IRAK3: variants seen among roughly 807,000 people sequenced by gnomAD.
The protein encoded by IRAK3 is interleukin-1 receptor-associated kinase 3.
A neutral mutation model predicts 56.6 loss-of-function variants in IRAK3; 57 were observed. The ratio of observed to expected loss-of-function variants is 1.01; its 90% CI spans 0.81 to 1.26. IRAK3 has a LOEUF of 1.26. Ranked by LOEUF, IRAK3 falls within the 50% of genes most tolerant of loss-of-function variation. The pLI is 0.00. For synonymous variants in IRAK3, 258 were observed against 255.7 expected, an observed-to-expected ratio of 1.01 and a Z score of -0.09; for missense variants, 703 against 719.0, an observed-to-expected ratio of 0.98 and a Z score of 0.25.
At chr12:66,213,468 G>T (rs2052633565) in intron 5 of IRAK3, among the ~76,000 whole-genome samples, 1 of 152,146 alleles carries the variant, frequency 6.6e-6, no homozygotes, top group Non-Finnish European at 1.5e-5. Context: ...CTGGGTGTTT[G>T]GTAAGGGTTA....
In IRAK3 at chr12:66,211,554, T is replaced by TGG; in HGVS notation, c.546_547dup (p.Glu183GlyfsTer6). On this transcript the variant is annotated frameshift_variant, in exon 5 of 12. Coordinates refer to ENST00000261233, the MANE Select transcript of IRAK3 (RefSeq NM_007199.3). LOFTEE classifies it high-confidence loss of function. Reference sequence around the variant, plus strand: ...GGAGAGATTTTTGAGGTATACAGAGTGGAGATTCAAAACCTAACATATGCT... The same window carrying TGG: ...GGAGAGATTTTTGAGGTATACAGAGTGGGGAGATTCAAAACCTAACATATGCT... 2 of 1,612,040 alleles carry TGG rather than the reference T, an allele frequency of 1.2e-6. No homozygotes were observed. Among genetic ancestry groups the TGG allele is most frequent in the Non-Finnish European group, 1.7e-6 (2 of 1,178,304 alleles).
Position 66,252,623 on chromosome 12 carries a change from G to A in IRAK3, c.*4452G>A, listed in dbSNP as rs2053111518. 1 of 152,208 alleles carries A rather than the reference G, an allele frequency of 6.6e-6. No individual in the cohort carries two copies. Among genetic ancestry groups the A allele is most frequent in the Non-Finnish European group, 1.5e-5 (1 of 68,046 alleles). 9.4% of individuals were successfully genotyped at this position (152,208 alleles called of 1,614,324 possible). A position where few individuals can be genotyped will look rare whatever the true frequency, so the allele number is the denominator to read the frequency against. On this transcript the variant is annotated 3_prime_UTR_variant, in exon 12 of 12. Coordinates refer to ENST00000261233, the MANE Select transcript of IRAK3 (RefSeq NM_007199.3). ...CACTATTCTAGGAGCTGGGGCTACA[G>A]TGCAGATGGAAACCAGCAAAGCTCA...
intron 1 of IRAK3, chr12:66,197,834 G>A (rs2052469486): frequency 4.1e-6 from 4 of 985,204 alleles, no homozygotes; most frequent in Non-Finnish European, 4.8e-6. Context: ...TCTGATATTA[G>A]CAGTTTCTCA....
At chr12:66,212,110 CAA>C (rs11405352) in intron 5 of IRAK3, among the ~76,000 whole-genome samples, 6 of 136,626 alleles carry the variant, frequency 4.4e-5, no homozygotes, top group African/African-American at 2.8e-5. Flanking sequence ...GACACCACCT[CAA>C]AAAAAAAAAA....
intron 6 of IRAK3, among the ~76,000 whole-genome samples, chr12:66,223,532 G>A (rs1248981143): frequency 1.3e-5 from 2 of 150,840 alleles, no homozygotes; most frequent in African/African-American, 2.4e-5. Flanking sequence ...GGTGACGGGC[G>A]CCTGTAGTCC....
intron 8 of IRAK3, among the ~76,000 whole-genome samples, chr12:66,235,755 C>T (rs1218500325): frequency 1.3e-5 from 2 of 152,128 alleles, no homozygotes; most frequent in African/African-American, 2.4e-5. Context: ...ACTACAAATT[C>T]ATGCATTAAA....
rs997838262 is a variant in IRAK3 at position 66,228,199 on chromosome 12, A to G, written c.769-53A>G. ...GTGTATGTCTGCATAATGAATACAT[A>G]GGTAGTTTTTACTCAGAAAGTGCAA... On this transcript the variant is annotated intron_variant, in intron 7 of 11. Coordinates refer to ENST00000261233, the MANE Select transcript of IRAK3 (RefSeq NM_007199.3). 1.5e-5 allele frequency: 18 copies of G among 1,172,502 alleles called. No individual in the cohort carries two copies. In the African/African-American group the frequency reaches 2.7e-4, roughly 18 times the overall value. 72.6% of individuals were successfully genotyped at this position (1,172,502 alleles called of 1,614,324 possible).
intron 8 of IRAK3, among the ~76,000 whole-genome samples, chr12:66,232,691 T>C (rs1161038351): frequency 3.3e-5 from 5 of 152,212 alleles, no homozygotes; most frequent in Non-Finnish European, 7.3e-5. Context: ...AGCTCAGTGC[T>C]TTTAGGACTG....
intron 8 of IRAK3, among the ~76,000 whole-genome samples, chr12:66,241,117 A>T (rs1321970237): frequency 6.6e-6 from 1 of 152,074 alleles, no homozygotes; most frequent in Admixed American, 6.6e-5. Context: ...ACTAATAGAG[A>T]GATTAAGTAA....
At chr12:66,213,452 T>C (rs750274494) in intron 5 of IRAK3, among the ~76,000 whole-genome samples, 5 of 152,170 alleles carry the variant, frequency 3.3e-5, no homozygotes, top group African/African-American at 4.8e-5. Flanking sequence ...CAGTAAAATA[T>C]GGTGTCTGGG....
At chr12:66,194,600 G>A (rs147454528) in intron 1 of IRAK3, among the ~76,000 whole-genome samples, 157 of 152,278 alleles carry the variant, frequency 1.0e-3, no homozygotes, top group Non-Finnish European at 2.1e-3. Flanking sequence ...GGCTGAGGCG[G>A]GTGGATTGCT....
At chr12:66,203,966 T>C in intron 2 of IRAK3, 73 bp downstream of exon 2, 1 of 1,314,928 alleles carries the variant, frequency 7.6e-7, no homozygotes, top group Non-Finnish European at 1.1e-6. Context: ...GAATATTGCA[T>C]TTTATCCAAG....
chr12:66,235,724 A>T (rs1152908), intron 8 of IRAK3, among the ~76,000 whole-genome samples: 84,270 of 152,162 alleles, frequency 0.55, 25,227 homozygotes, highest in South Asian at 0.65. Flanking sequence ...AGCGTATAGT[A>T]TATAATTATA....
At chr12:66,191,281 T>G (rs1193916524) in intron 1 of IRAK3, among the ~76,000 whole-genome samples, 1 of 87,648 alleles carries the variant, frequency 1.1e-5, no homozygotes, top group East Asian at 3.9e-4. Context: ...GAGGAAGTGG[T>G]CAGTAATTAT....
At position 66,248,233 on chromosome 12, in the gene IRAK3, C is replaced by A; in HGVS notation, c.*62C>A. ...ATAGGCACCTGAGCATAGGTATGAC[C>A]TTGGGAAGACATTGGCTCCATAAGC... On this transcript the variant is annotated 3_prime_UTR_variant, in exon 12 of 12. Transcript: ENST00000261233. 1 of 1,197,980 alleles carries A rather than the reference C, an allele frequency of 8.3e-7. No homozygotes were observed. The highest frequency in any genetic ancestry group is 1.8e-5 in the Admixed American group (1 of 55,250). 74.2% of individuals were successfully genotyped at this position (1,197,980 alleles called of 1,614,324 possible). A position where few individuals can be genotyped will look rare whatever the true frequency, so the allele number is the denominator to read the frequency against.
chr12:66,244,728 G>T, intron 9 of IRAK3, 44 bp downstream of exon 9: 1 of 1,511,880 alleles, frequency 6.6e-7, no homozygotes, highest in Non-Finnish European at 9.2e-7. Context: ...TTATTGCCAA[G>T]AATGTTCTAG....
rs1044126384 is a variant in IRAK3, at chr12:66,250,693, G to T, written c.*2522G>T. Reference sequence around the variant, plus strand: ...TTAAGGAAGCTCTGATTAACACCAGGCCCATGCAGTTACTCCGCACATATA... The same window carrying T: ...TTAAGGAAGCTCTGATTAACACCAGTCCCATGCAGTTACTCCGCACATATA... On this transcript the variant is annotated 3_prime_UTR_variant, in exon 12 of 12. Transcript: ENST00000261233. 1 of 152,216 alleles carries T rather than the reference G, an allele frequency of 6.6e-6. No homozygotes were observed. The highest frequency in any genetic ancestry group is 1.5e-5 in the Non-Finnish European group (1 of 68,054). 9.4% of individuals were successfully genotyped at this position (152,216 alleles called of 1,614,324 possible).
intron 6 of IRAK3, among the ~76,000 whole-genome samples, chr12:66,220,448 T>C (rs1372113749): frequency 1.3e-5 from 2 of 151,804 alleles, no homozygotes; most frequent in Non-Finnish European, 2.9e-5. Context: ...ATACTGTTTT[T>C]ATTACTATAG....
At position 66,213,283 on chromosome 12, in the gene IRAK3, A is replaced by C. The variant is rs190162692; in HGVS notation, c.588+1686A>C. ...CACCCCCATGATTCAATTAACTCCC[A>C]CTGGGCCCCTCCCACAACACGTGGG... On this transcript the variant is annotated intron_variant, in intron 5 of 11. Transcript: ENST00000261233. 3.4e-4 allele frequency among the ~76,000 whole-genome samples: 52 copies of C among 152,232 alleles called. No individual in the cohort carries two copies. The East Asian group carries it at 5.6e-3, about 16-fold the overall frequency.
Sources: gnomAD v4.1 joint callset for allele counts (sites outside exome capture counted in the v4.1 genomes callset) on GRCh38, gnomAD v4.1.1 for gene constraint, MANE v1.5 for transcripts, NCBI Gene and HGNC (gene_info 2026-07-23, HGNC 2026-07-21) for gene names.